The following INTS6 variants were observed in gnomAD, a reference collection of about 807,000 sequenced individuals.
INTS6 encodes integrator complex subunit 6, also known as DEAD box protein.
In INTS6, 16 loss-of-function variants were observed where a neutral mutation model predicts 104.9. The observed-to-expected ratio is 0.15, with a 90% CI of 0.10 to 0.23. The LOEUF (loss-of-function observed/expected upper bound fraction) is 0.23. Among genes scored for constraint, INTS6 ranks in the 10% least tolerant of loss-of-function variants. The pLI is 1.00. For synonymous variants in INTS6, 324 were observed against 358.7 expected (o/e 0.90, Z 1.09); for missense variants, 584 against 1,062.8 (o/e 0.55, Z 6.26).
chr13:51,413,045 T>C (rs968869691), intron 4 of INTS6, among the ~76,000 whole-genome samples: 10 of 152,194 alleles, frequency 6.6e-5, no homozygotes, highest in Admixed American at 3.9e-4. Context: ...TGTGTGACTA[T>C]TATGTGGCAG....
chr13:51,398,554 G>A (rs529327955), intron 4 of INTS6, among the ~76,000 whole-genome samples: 3 of 152,044 alleles, frequency 2.0e-5, no homozygotes, highest in Non-Finnish European at 2.9e-5. Context: ...ACAATACCAA[G>A]TGATGACAAG....
At chr13:51,361,345 C>G, downstream of INTS6, 1 of 1,608,270 alleles carries the variant, frequency 6.2e-7, no homozygotes, top group South Asian at 1.1e-5. Context: ...AGGAAGGCAC[C>G]AAGGCATCTG....
chr13:51,394,099 A>G (rs1045561168), intron 5 of INTS6, among the ~76,000 whole-genome samples: 3 of 152,164 alleles, frequency 2.0e-5, no homozygotes, highest in African/African-American at 7.2e-5. Flanking sequence ...TTTCATGAAT[A>G]TAAATGTGCA....
chr13:51,405,923 G>A (rs1956555685), intron 4 of INTS6, among the ~76,000 whole-genome samples: 1 of 152,182 alleles, frequency 6.6e-6, no homozygotes, highest in South Asian at 2.1e-4. Flanking sequence ...CACAGCAGCA[G>A]ATCTCTCCTT....
chr13:51,348,495 G>A, the INTS6 span: 3 of 1,167,988 alleles, frequency 2.6e-6, no homozygotes, highest in Non-Finnish European at 3.7e-6. Flanking sequence ...TCTGCCTCCA[G>A]GGTCTGTGCT....
At chr13:51,368,867 CTTT>C in intron 16 of INTS6, 69 bp downstream of exon 16, 1 of 1,431,890 alleles carries the variant, frequency 7.0e-7, no homozygotes, top group Admixed American at 2.4e-5. Flanking sequence ...AGTTACTTGA[CTTT>C]TTTTTTCTTT....
At position 51,452,251 on chromosome 13, in the gene INTS6, C is replaced by A; in HGVS notation, c.111+164G>T. On this transcript the variant is annotated intron_variant, in intron 1 of 17. Coordinates refer to ENST00000311234, the MANE Select transcript of INTS6 (RefSeq NM_012141.3). This position sits in a 1 kb window ranked among gnomAD's most constrained non-coding sequence, Gnocchi z 4.2. Reference sequence around the variant, plus strand: ...GCCGGAGCCCGGGCCCCGGCCGAACCCGGCTCGCAGCGCCCGCCCGCCCGC... The same window carrying A: ...GCCGGAGCCCGGGCCCCGGCCGAACACGGCTCGCAGCGCCCGCCCGCCCGC... 1 of 757,636 alleles carries A rather than the reference C, an allele frequency of 1.3e-6. No homozygotes were observed. Among genetic ancestry groups the A allele is most frequent in the Non-Finnish European group, 1.7e-6 (1 of 574,606 alleles). The allele number at this position is 757,636 out of a possible 1,614,324, so 46.9% of individuals were successfully genotyped here.
chr13:51,403,615 A>AGAAAAAAAAAT (rs1956490102), intron 4 of INTS6, among the ~76,000 whole-genome samples: 1 of 150,108 alleles, frequency 6.7e-6, no homozygotes, highest in Admixed American at 6.6e-5. Context: ...GAAAAAAAAA[A>AGAAAAAAAAAT]AAAGAAAAAG....
chr13:51,348,875 C>T, the INTS6 span, among the ~76,000 whole-genome samples: 53 of 152,322 alleles, frequency 3.5e-4, no homozygotes, highest in African/African-American at 1.1e-3. Flanking sequence ...TCTGATCAGA[C>T]GCCAAATTAA....
intron 4 of INTS6, 102 bp from the exon 5 acceptor site, chr13:51,395,585 T>C (rs1173613663): frequency 2.0e-6 from 2 of 1,003,644 alleles, no homozygotes; most frequent in African/African-American, 1.7e-5. Context: ...AACTCTCCTA[T>C]CACTTGAAAA....
intron 3 of INTS6, 75 bp downstream of exon 3, chr13:51,450,950 G>A (rs1953029833): frequency 2.2e-6 from 3 of 1,393,780 alleles, no homozygotes; most frequent in Non-Finnish European, 2.8e-6. Flanking sequence ...TTCATGTTAT[G>A]TAGTTTTTGG....
chr13:51,449,455 T>C (rs1952989945), intron 3 of INTS6: 9 of 984,536 alleles, frequency 9.1e-6, no homozygotes, highest in African/African-American at 1.7e-5. Context: ...AGCCTCTCCA[T>C]GACAAGCAGT....
intron 5 of INTS6, among the ~76,000 whole-genome samples, chr13:51,392,177 G>C (rs1313633035): frequency 6.6e-6 from 1 of 152,162 alleles, no homozygotes; most frequent in Non-Finnish European, 1.5e-5. Context: ...TGGTATTTCA[G>C]AAATAGAAAT....
At chr13:51,375,876 G>A (rs1215249301) in intron 13 of INTS6, among the ~76,000 whole-genome samples, 172 bp downstream of exon 13, 1 of 152,124 alleles carries the variant, frequency 6.6e-6, no homozygotes, top group Non-Finnish European at 1.5e-5. Flanking sequence ...GTGATGGTAG[G>A]AAGAAAGGTA....
chr13:51,383,993 G>C (rs1471685721), intron 7 of INTS6: 7 of 270,028 alleles, frequency 2.6e-5, no homozygotes, highest in Non-Finnish European at 4.9e-5. Context: ...GCAAAATTTA[G>C]TAATTGAGTA....
intron 4 of INTS6, among the ~76,000 whole-genome samples, chr13:51,410,987 G>A (rs1192532460): frequency 2.0e-5 from 3 of 151,938 alleles, no homozygotes; most frequent in African/African-American, 4.8e-5. Context: ...AGAGGCAGGT[G>A]GATCACCTGA....
the INTS6 span, among the ~76,000 whole-genome samples, chr13:51,336,480 C>T: frequency 6.6e-6 from 1 of 152,120 alleles, no homozygotes; most frequent in Non-Finnish European, 1.5e-5. Context: ...GAGCAAAACC[C>T]TGTCTCAAAA....
At chr13:51,385,403 T>G (rs978655405) in intron 7 of INTS6, 3 of 152,236 alleles carry the variant, frequency 2.0e-5, no homozygotes, top group Non-Finnish European at 4.4e-5. Context: ...AGCATGCACC[T>G]GACACACAGT....
Position 51,452,322 on chromosome 13 carries a change from G to C in INTS6, c.111+93C>G. ...CGAGCCCGGCAGCTCCCGCAGTCAG[G>C]TCCCCGACACCCCCGCCCCGGCCGC... On this transcript the variant is annotated intron_variant, in intron 1 of 17. Coordinates refer to ENST00000311234, the MANE Select transcript of INTS6 (RefSeq NM_012141.3). The surrounding 1 kb of genome is among the most constrained non-coding windows in gnomAD (Gnocchi z 4.2). 1.7e-6 allele frequency: 2 copies of C among 1,211,450 alleles called. No homozygotes were observed. Among genetic ancestry groups the C allele is most frequent in the Non-Finnish European group, 2.1e-6 (2 of 968,518 alleles). The allele number at this position is 1,211,450 out of a possible 1,614,324, so 75.0% of individuals were successfully genotyped here.
Sources: gnomAD v4.1 joint callset for allele counts (sites outside exome capture counted in the v4.1 genomes callset) on GRCh38, gnomAD v4.1.1 for gene constraint, Gnocchi (gnomAD v3.1) non-coding constraint, MANE v1.5 for transcripts, NCBI Gene and HGNC (gene_info 2026-07-23, HGNC 2026-07-21) for gene names.